The following CCNJL variants were observed in gnomAD, a reference collection of about 807,000 sequenced individuals.
CCNJL encodes the protein cyclin J like, also known as cyclin-J-like protein.
A neutral mutation model predicts 33.4 loss-of-function variants in CCNJL; 33 were observed. The ratio of observed to expected loss-of-function variants is 0.99; its 90% CI spans 0.75 to 1.32. The LOEUF is 1.32. Ranked by LOEUF, CCNJL falls within the 40% of genes most tolerant of loss-of-function variation. The probability of loss-of-function intolerance (pLI) is 0.00; values close to 1 mark genes in which losing one functional copy is unlikely to be tolerated. For missense variants in CCNJL, 512 were observed against 499.7 expected, an observed-to-expected ratio of 1.02 and a Z score of -0.23; for synonymous variants, 227 against 220.9, an observed-to-expected ratio of 1.03 and a Z score of -0.24.
intron 2 of CCNJL, among the ~76,000 whole-genome samples, chr5:160,291,802 G>A (rs554250932): frequency 3.0e-4 from 45 of 152,330 alleles, no homozygotes; most frequent in Admixed American, 9.8e-4. Context: ...TACAAAAAGC[G>A]CATGGCAGCT....
chr5:160,320,756 CTCTTTCTTTTCTT>C lies in CCNJL; in HGVS notation n.207-5264_207-5252del, dbSNP rs1763429970. Among the ~76,000 whole-genome samples, 4 of 151,622 alleles carry C rather than the reference CTCTTTCTTTTCTT, an allele frequency of 2.6e-5. No individual in the cohort carries two copies. The South Asian group carries it at 8.3e-4, about 32-fold the overall frequency. Reference sequence around the variant, plus strand: ...TTTTAAAATACTGGCTTGACTTTGCCTCTTTCTTTTCTTTCTTTCTTTTCTTTCTTTCCTTTCT... The same window carrying C: ...TTTTAAAATACTGGCTTGACTTTGCCTCTTTCTTTTCTTTCTTTCCTTTCT... On this transcript the variant is annotated intron_variant and non_coding_transcript_variant, in intron 1 of 7. Transcript: ENST00000377503.
chr5:160,304,313 G>C (rs1401828227), intron 2 of CCNJL, among the ~76,000 whole-genome samples: 1 of 152,200 alleles, frequency 6.6e-6, no homozygotes, highest in Non-Finnish European at 1.5e-5. Context: ...ACACTATCTT[G>C]AGTGGCAGCC....
chr5:160,291,735 G>A (rs1032134077), intron 2 of CCNJL, among the ~76,000 whole-genome samples: 1 of 152,228 alleles, frequency 6.6e-6, no homozygotes, highest in Non-Finnish European at 1.5e-5. Flanking sequence ...TTCACCTGCA[G>A]AAACGCCCTA....
intron 3 of CCNJL, among the ~76,000 whole-genome samples, chr5:160,263,142 G>A (rs544337872): frequency 6.6e-6 from 1 of 152,340 alleles, no homozygotes; most frequent in South Asian, 2.1e-4. Context: ...TGATCCATGT[G>A]TGCTCTGTCT....
chr5:160,278,564 C>T (rs549780524), intron 3 of CCNJL, among the ~76,000 whole-genome samples: 21 of 152,286 alleles, frequency 1.4e-4, no homozygotes, highest in African/African-American at 5.1e-4. Context: ...GTTCCTGCTG[C>T]CCGAGGCTGT....
At chr5:160,332,526 A>G (rs114249924) in intron 1 of CCNJL, among the ~76,000 whole-genome samples, 1 of 152,056 alleles carries the variant, frequency 6.6e-6, no homozygotes, top group Non-Finnish European at 1.5e-5. Flanking sequence ...ACCTTTGTTA[A>G]CCTGTCTGAC....
chr5:160,302,113 A>G (rs1289702335), intron 2 of CCNJL, among the ~76,000 whole-genome samples: 2 of 152,218 alleles, frequency 1.3e-5, no homozygotes, highest in African/African-American at 4.8e-5. Context: ...TATTCACTTA[A>G]GATCTGTATA....
intron 1 of CCNJL, among the ~76,000 whole-genome samples, chr5:160,331,172 G>A (rs1051896273): frequency 4.6e-5 from 7 of 150,760 alleles, no homozygotes; most frequent in Middle Eastern, 3.5e-3. Flanking sequence ...CTAGGACCCA[G>A]ACCCCAGTTA....
At position 160,280,587 on chromosome 5, in the gene CCNJL, C is replaced by A. The variant is rs752382255; in HGVS notation, c.218G>T (p.Arg73Leu). The A allele has an allele frequency of 6.2e-7, 1 of 1,612,764 alleles. No homozygotes were observed. The highest frequency in any genetic ancestry group is 1.1e-5 in the South Asian group (1 of 91,044). ...AVYLLDHFMD[R>L]YNVTTSKQLY... Reference sequence around the variant, plus strand: ...CTGCTTGGAGGTGGTGACGTTGTAGCGATCCATGAAGTGGTCCAGCAGGTA... The same window carrying A: ...CTGCTTGGAGGTGGTGACGTTGTAGAGATCCATGAAGTGGTCCAGCAGGTA... The change falls in exon 3 of 6, where the codon CGC becomes CTC. Residue 73 changes from arginine to leucine, a missense_variant. Physicochemically the swap from Arg to Leu is moderately radical, Grantham distance 102. Transcript: ENST00000257536.
chr5:160,274,507 G>A (rs1002977437), intron 3 of CCNJL, among the ~76,000 whole-genome samples: 4 of 152,064 alleles, frequency 2.6e-5, no homozygotes, highest in African/African-American at 9.7e-5. Flanking sequence ...TCACAGGTAA[G>A]CTCAGCACAG....
At chr5:160,298,158 A>G (rs1423543763) in intron 2 of CCNJL, among the ~76,000 whole-genome samples, 1 of 152,176 alleles carries the variant, frequency 6.6e-6, no homozygotes, top group Non-Finnish European at 1.5e-5. Context: ...TTTTTCTACT[A>G]GTACATGGTG....
At chr5:160,261,590 C>T (rs886614308) in intron 3 of CCNJL, among the ~76,000 whole-genome samples, 1 of 152,048 alleles carries the variant, frequency 6.6e-6, no homozygotes, top group Admixed American at 6.6e-5. Context: ...AGGCTCTGGC[C>T]GACTGGCTCT....
chr5:160,282,983 A>G (rs1436335105), intron 2 of CCNJL, among the ~76,000 whole-genome samples: 16 of 54,324 alleles, frequency 2.9e-4, no homozygotes, highest in African/African-American at 1.3e-3. Context: ...ATATATATAT[A>G]TATATATATA....
chr5:160,278,682 T>A (rs1011389960), intron 3 of CCNJL, among the ~76,000 whole-genome samples: 1 of 152,030 alleles, frequency 6.6e-6, no homozygotes, highest in Non-Finnish European at 1.5e-5. Flanking sequence ...GTGCCTCACA[T>A]CCCAGCTCCC....
intron 1 of CCNJL, chr5:160,339,359 C>CAAAAAA: frequency 4.5e-6 from 1 of 220,028 alleles, no homozygotes; most frequent in Non-Finnish European, 8.7e-6. Flanking sequence ...ACATGCAAAA[C>CAAAAAA]AAAAAAAAAA....
At chr5:160,335,171 G>A (rs1056676809) in intron 1 of CCNJL, among the ~76,000 whole-genome samples, 22 of 152,182 alleles carry the variant, frequency 1.4e-4, no homozygotes, top group African/African-American at 5.3e-4. Flanking sequence ...GCTGAGGCAG[G>A]AGAATCACTT....
intron 1 of CCNJL, among the ~76,000 whole-genome samples, chr5:160,338,739 C>T (rs1763713126): frequency 6.6e-6 from 1 of 152,120 alleles, no homozygotes; most frequent in African/African-American, 2.4e-5. Context: ...TAGGGCCTGG[C>T]ACATTTTAAA....
At chr5:160,321,444 C>A (rs575053013) in intron 1 of CCNJL, among the ~76,000 whole-genome samples, 94 of 152,212 alleles carry the variant, frequency 6.2e-4, no homozygotes, top group Non-Finnish European at 1.1e-3. Flanking sequence ...CACCTGGATG[C>A]CACAAAGCCA....
At chr5:160,328,753 G>A (rs1046955563) in intron 1 of CCNJL, among the ~76,000 whole-genome samples, 1 of 151,558 alleles carries the variant, frequency 6.6e-6, no homozygotes, top group Non-Finnish European at 1.5e-5. Context: ...GGTGGTATGT[G>A]CCTGTAGTCC....
Sources: gnomAD v4.1 joint callset for allele counts (sites outside exome capture counted in the v4.1 genomes callset) on GRCh38, gnomAD v4.1.1 for gene constraint, MANE v1.5 for transcripts, NCBI Gene and HGNC (gene_info 2026-07-23, HGNC 2026-07-21) for gene names.